The following CSMD1 variants were observed in gnomAD, a reference collection of about 807,000 sequenced individuals.
CSMD1 encodes the protein CUB and Sushi multiple domains 1, also known as CUB and sushi domain-containing protein 1.
A neutral mutation model predicts 417.5 loss-of-function variants in CSMD1; 213 were observed. That is an observed-to-expected ratio of 0.51 (90% CI 0.46 to 0.57). The LOEUF (loss-of-function observed/expected upper bound fraction) is 0.57, where lower values mean the gene tolerates loss of function less well. CSMD1 is among the 20% of genes least tolerant of loss of function. The pLI, the probability that CSMD1 is intolerant of heterozygous loss-of-function variation, is 0.00. For synonymous variants in CSMD1, 2,862 were observed against 1,736.8 expected (o/e 1.65, Z -16.11); for missense variants, 6,923 against 4,529.7 (o/e 1.53, Z -15.17).
chr8:3,859,797 C>T (rs973822030), intron 5 of CSMD1, among the ~76,000 whole-genome samples: 12 of 152,314 alleles, frequency 7.9e-5, no homozygotes, highest in Non-Finnish European at 1.2e-4. Flanking sequence ...GAGGTCAATG[C>T]ATCCTGATTC....
At chr8:4,786,980 C>T (rs1184798536) in intron 1 of CSMD1, among the ~76,000 whole-genome samples, 1 of 152,178 alleles carries the variant, frequency 6.6e-6, no homozygotes, top group Non-Finnish European at 1.5e-5. Context: ...GGTATACTAA[C>T]TGAAGACTGG....
chr8:4,303,422 G>GTTTTTTTTTTTT (rs71511194), intron 3 of CSMD1, among the ~76,000 whole-genome samples: 4 of 85,216 alleles, frequency 4.7e-5, no homozygotes, highest in African/African-American at 1.9e-4. Flanking sequence ...GCAGGAAGCT[G>GTTTTTTTTTTTT]TTTTTTTTTT....
At chr8:3,533,349 T>C (rs778572833) in intron 10 of CSMD1, among the ~76,000 whole-genome samples, 8 of 152,216 alleles carry the variant, frequency 5.3e-5, no homozygotes, top group Admixed American at 2.6e-4. Flanking sequence ...AACTTATTCA[T>C]CTTACATAAG....
At chr8:4,951,075 G>A (rs888923638) in intron 1 of CSMD1, among the ~76,000 whole-genome samples, 1 of 151,952 alleles carries the variant, frequency 6.6e-6, no homozygotes, top group South Asian at 2.1e-4. Flanking sequence ...AATAATAAAT[G>A]AAGAATGAGA....
At chr8:4,019,911 C>T (rs1213799873) in intron 4 of CSMD1, among the ~76,000 whole-genome samples, 1 of 57,382 alleles carries the variant, frequency 1.7e-5, no homozygotes, top group South Asian at 9.2e-4. Context: ...AGCAGTAATT[C>T]ATTAAAAAAA....
At chr8:3,152,669 T>C (rs1323883526) in intron 39 of CSMD1, among the ~76,000 whole-genome samples, 1 of 152,238 alleles carries the variant, frequency 6.6e-6, no homozygotes. Context: ...TACAAACATT[T>C]AAAAGTATAT....
chr8:3,703,436 TTTCATTCATTCATTCATTCA>T (rs199822463), intron 7 of CSMD1, among the ~76,000 whole-genome samples: 3 of 149,812 alleles, frequency 2.0e-5, no homozygotes, highest in Non-Finnish European at 3.0e-5. Context: ...CTTTCTCCCT[TTTCATTCATTCATTCATTCA>T]TTCATTCATT....
At chr8:4,193,320 A>T (rs1410387873) in intron 3 of CSMD1, among the ~76,000 whole-genome samples, 4 of 152,028 alleles carry the variant, frequency 2.6e-5, no homozygotes, top group Non-Finnish European at 5.9e-5. Flanking sequence ...CTTGCTTTCA[A>T]AGAACGTCCT....
At chr8:4,156,399 T>A (rs1401261796) in intron 3 of CSMD1, among the ~76,000 whole-genome samples, 1 of 152,190 alleles carries the variant, frequency 6.6e-6, no homozygotes, top group East Asian at 1.9e-4. Context: ...GTCCATAAAA[T>A]TTCTCAATGA....
chr8:3,453,231 T>C (rs1189570966), intron 12 of CSMD1, among the ~76,000 whole-genome samples: 9 of 152,190 alleles, frequency 5.9e-5, no homozygotes, highest in Non-Finnish European at 5.9e-5. Flanking sequence ...TTGCTAGCAG[T>C]CTATCAATTT....
At chr8:4,428,666 T>G (rs1797699263) in intron 2 of CSMD1, among the ~76,000 whole-genome samples, 1 of 152,186 alleles carries the variant, frequency 6.6e-6, no homozygotes, top group Non-Finnish European at 1.5e-5. Flanking sequence ...TTAAAATAGC[T>G]GATAATGTCA....
chr8:4,824,094 AC>A (rs1799676482), intron 1 of CSMD1, among the ~76,000 whole-genome samples: 2 of 151,614 alleles, frequency 1.3e-5, no homozygotes, highest in South Asian at 4.2e-4. Flanking sequence ...ACACACACAC[AC>A]ACACACACAC....
At chr8:4,708,866 G>A (rs904226110) in intron 1 of CSMD1, among the ~76,000 whole-genome samples, 10 of 152,122 alleles carry the variant, frequency 6.6e-5, no homozygotes, top group Non-Finnish European at 1.3e-4. Context: ...TATAAGAAAG[G>A]GAAATTAGAA....
At chr8:4,642,292 T>C (rs1393096911) in intron 1 of CSMD1, among the ~76,000 whole-genome samples, 1 of 152,218 alleles carries the variant, frequency 6.6e-6, no homozygotes, top group Non-Finnish European at 1.5e-5. Flanking sequence ...GACAATTTTC[T>C]ACTTTGAAAG....
chr8:3,257,056 T>C (rs1372538018), intron 26 of CSMD1, among the ~76,000 whole-genome samples: 1 of 152,242 alleles, frequency 6.6e-6, no homozygotes, highest in African/African-American at 2.4e-5. Context: ...GTACAGTGGC[T>C]CATGCCTGTA....
At chr8:4,021,712 G>A (rs73182097) in intron 4 of CSMD1, among the ~76,000 whole-genome samples, 16,483 of 151,948 alleles carry the variant, frequency 0.11, 1,069 homozygotes, top group South Asian at 0.23. Context: ...TTTTCTCTAT[G>A]TATTGTTGCA....
Position 3,348,136 on chromosome 8 carries a change from T to G in CSMD1, c.3330A>C (p.Gly1110=), listed in dbSNP as rs890489697. 6.2e-7 allele frequency: 1 copy of G among 1,612,480 alleles called. No individual in the cohort carries two copies. The highest frequency in any genetic ancestry group is 8.5e-7 in the Non-Finnish European group (1 of 1,179,256). ...TTGGAGACAGTAATGTTCCTTCATT[T>G]CCTTTGACACTTGCTCCACATTCGG... ...CVAECGASVK[G]NEGTLLSPNF... The change falls in exon 22 of 70, where the codon GGA becomes GGC. Residue 1110 remains glycine, a synonymous_variant. Transcript: ENST00000635120.
intron 46 of CSMD1, among the ~76,000 whole-genome samples, chr8:3,101,668 G>A (rs1815756050): frequency 1.3e-5 from 2 of 151,980 alleles, no homozygotes; most frequent in Admixed American, 1.3e-4. Flanking sequence ...CTTGTGATCC[G>A]CTCCCCTCAG....
At chr8:3,555,098 C>G (rs1490319728) in intron 10 of CSMD1, among the ~76,000 whole-genome samples, 1 of 152,016 alleles carries the variant, frequency 6.6e-6, no homozygotes, top group Non-Finnish European at 1.5e-5. Context: ...GCCGTAGGAC[C>G]CGTGACAGGC....
Sources: allele counts gnomAD v4.1 joint callset (sites outside exome capture counted in the v4.1 genomes callset), GRCh38; gene constraint gnomAD v4.1.1; transcripts MANE v1.5; gene names NCBI Gene and HGNC (gene_info 2026-07-23, HGNC 2026-07-21).